The following DUX4 variants were observed in gnomAD, a reference collection of about 807,000 sequenced individuals.
DUX4 encodes the protein double homeobox protein 4.
downstream of DUX4, among the ~76,000 whole-genome samples, chr4:190,179,726 C>A (rs2126579117): frequency 4.6e-5 from 7 of 152,234 alleles, no homozygotes; most frequent in African/African-American, 7.2e-5. Context: ...CCCCTGTGGG[C>A]ACAGCCTAGA....
chr4:190,176,607 T>C (rs1167347709), downstream of DUX4, among the ~76,000 whole-genome samples: 589 of 111,658 alleles, frequency 5.3e-3, 83 homozygotes, highest in African/African-American at 0.015. Flanking sequence ...AAGAGTTCCC[T>C]CCTCAGGGTG....
chr4:190,176,200 C>G (rs1289173853), downstream of DUX4, among the ~76,000 whole-genome samples: 8 of 113,164 alleles, frequency 7.1e-5, 2 homozygotes, highest in African/African-American at 2.1e-4. Flanking sequence ...GGTTACATCA[C>G]CTGTTTGAGC....
downstream of DUX4, among the ~76,000 whole-genome samples, chr4:190,177,568 CAT>C (rs1742375665): frequency 9.7e-6 from 1 of 103,168 alleles, no homozygotes; most frequent in Non-Finnish European, 2.1e-5. Context: ...CGTTACATCA[CAT>C]GAGTGATCAT....
At position 190,183,851 on chromosome 4, in the gene DUX4, T is replaced by C. The variant is rs1455454890; in HGVS notation, n.93-1490T>C. ...CACAACCCGCAGCATACTGGACAAATGTCTAAGCCTCGTGGTTAGTGGGGA... is the reference window on the plus strand; with the variant it reads ...CACAACCCGCAGCATACTGGACAAACGTCTAAGCCTCGTGGTTAGTGGGGA... On this transcript the variant is annotated intron_variant and non_coding_transcript_variant, in intron 1 of 2. Transcript: ENST00000563716. Among the ~76,000 whole-genome samples the C allele has an allele frequency of 3.3e-5, 4 of 121,364 alleles. 1 individual carries two copies. The highest frequency in any genetic ancestry group is 2.8e-4 in the Admixed American group (3 of 10,718). The allele number at this position is 121,364 out of a possible 152,430, so 79.6% of individuals were successfully genotyped here.
downstream of DUX4, among the ~76,000 whole-genome samples, chr4:190,176,675 T>A (rs1437745274): frequency 8.6e-6 from 1 of 116,798 alleles, no homozygotes; most frequent in East Asian, 3.0e-4. Context: ...AAGAGTTTCA[T>A]CACTTGGTTG....
At chr4:190,182,289 G>C (rs1742609904) in intron 1 of DUX4, 1 of 104,370 alleles carries the variant, frequency 9.6e-6, no homozygotes, top group African/African-American at 2.7e-5. Flanking sequence ...TTAGGGGTTA[G>C]GCTTAGGCTT....
chr4:190,177,159 C>CCCAG (rs1742345800), downstream of DUX4, among the ~76,000 whole-genome samples: 4 of 90,744 alleles, frequency 4.4e-5, no homozygotes, highest in Non-Finnish European at 7.8e-5. Context: ...GTTACATCAC[C>CCCAG]TAGATGATCT....
intron 1 of DUX4, among the ~76,000 whole-genome samples, chr4:190,183,821 C>A (rs1742634438): frequency 8.5e-6 from 1 of 118,004 alleles, no homozygotes; most frequent in South Asian, 2.9e-4. Context: ...TTACTGCTAC[C>A]ACCCCACAAC....
downstream of DUX4, among the ~76,000 whole-genome samples, chr4:190,179,789 GT>G (rs1742512103): frequency 2.8e-5 from 1 of 35,986 alleles, no homozygotes; most frequent in African/African-American, 1.1e-4. Flanking sequence ...AAATGCCCCT[GT>G]AGGCAAGCCT....
intron 1 of DUX4, 44 bp from the exon 2 acceptor site, chr4:190,175,603 G>A: frequency 5.8e-6 from 1 of 173,748 alleles, no homozygotes; most frequent in Non-Finnish European, 1.1e-5. Context: ...GCGCCTGGCG[G>A]TCAAAAGCAT....
chr4:190,178,258 TG>T (rs1742413576), downstream of DUX4, among the ~76,000 whole-genome samples: 6 of 123,114 alleles, frequency 4.9e-5, no homozygotes, highest in African/African-American at 1.2e-4. Context: ...ATCACCTGGG[TG>T]ATCAGTGTAG....
downstream of DUX4, among the ~76,000 whole-genome samples, chr4:190,176,708 A>T (rs1742317776): frequency 9.0e-6 from 1 of 111,424 alleles, no homozygotes. Context: ...ATGTGTCAGA[A>T]TGCCCATGTA....
At chr4:190,177,876 C>CG (rs1742392631), downstream of DUX4, among the ~76,000 whole-genome samples, 17 of 69,650 alleles carry the variant, frequency 2.4e-4, no homozygotes, top group Non-Finnish European at 3.2e-4. Flanking sequence ...CACAATGTCC[C>CG]TGTAGCCATA....
At chr4:190,179,796 A>C (rs1742513336), downstream of DUX4, among the ~76,000 whole-genome samples, 1 of 21,404 alleles carries the variant, frequency 4.7e-5, no homozygotes, top group Non-Finnish European at 1.1e-4. Context: ...CCTGTAGGCA[A>C]GCCTACACAA....
At chr4:190,179,775 G>C (rs1742510765), downstream of DUX4, among the ~76,000 whole-genome samples, 2 of 38,218 alleles carry the variant, frequency 5.2e-5, no homozygotes, top group African/African-American at 1.1e-4. Flanking sequence ...GCAGAGATAT[G>C]TCAAAATGCC....
downstream of DUX4, chr4:190,175,956 G>C (rs1742284822): frequency 9.1e-6 from 1 of 110,086 alleles, no homozygotes; most frequent in African/African-American, 2.7e-5. Flanking sequence ...ATGTGTTTCA[G>C]AACTCCATAG....
At chr4:190,177,962 A>T (rs1579833540), downstream of DUX4, among the ~76,000 whole-genome samples, 196 of 142,502 alleles carry the variant, frequency 1.4e-3, no homozygotes, top group Admixed American at 3.6e-3. Context: ...CAGAGCCTAG[A>T]CAAGAGTTAC....
chr4:190,176,487 G>T (rs1175149377), downstream of DUX4, among the ~76,000 whole-genome samples: 3 of 108,598 alleles, frequency 2.8e-5, no homozygotes, highest in African/African-American at 8.1e-5. Context: ...GGTTATCAGT[G>T]CAGAGATATG....
downstream of DUX4, among the ~76,000 whole-genome samples, chr4:190,178,498 T>A (rs1742429166): frequency 3.5e-4 from 51 of 144,306 alleles, no homozygotes; most frequent in African/African-American, 1.1e-3. Context: ...ATACCCCCTG[T>A]AGGCAGATCC....
Sources: gnomAD v4.1 joint callset for allele counts (sites outside exome capture counted in the v4.1 genomes callset) on GRCh38, gnomAD v4.1.1 for gene constraint, MANE v1.5 for transcripts, NCBI Gene and HGNC (gene_info 2026-07-23, HGNC 2026-07-21) for gene names.